Variants in SERINC5 observed in about 807,000 individuals in gnomAD.
The protein encoded by SERINC5 is chromosome 5 open reading frame 12.
In SERINC5, 41 loss-of-function variants were observed where a neutral mutation model predicts 63.1. The ratio of observed to expected loss-of-function variants is 0.65; its 90% CI spans 0.51 to 0.84. The LOEUF (loss-of-function observed/expected upper bound fraction) is 0.84. Ranked by LOEUF, SERINC5 falls within the 40% of genes least tolerant of loss-of-function variation. SERINC5 has a pLI of 0.00. For synonymous variants in SERINC5, 222 were observed against 215.2 expected (o/e 1.03, Z -0.28); for missense variants, 523 against 573.0 (o/e 0.91, Z 0.89).
intron 1 of SERINC5, among the ~76,000 whole-genome samples, chr5:80,223,243 A>AC (rs1016444550): frequency 6.6e-6 from 1 of 152,068 alleles, no homozygotes; most frequent in Non-Finnish European, 1.5e-5. Flanking sequence ...TGGTTCCAGG[A>AC]CCCCTCGCGT....
chr5:80,191,325 C>T (rs1033180072), intron 2 of SERINC5, among the ~76,000 whole-genome samples: 3 of 151,552 alleles, frequency 2.0e-5, no homozygotes, highest in East Asian at 1.9e-4. Context: ...TTTGTAATTT[C>T]GTCCTTTGAC....
At chr5:80,216,602 G>A (rs1489118423) in intron 1 of SERINC5, among the ~76,000 whole-genome samples, 4 of 152,208 alleles carry the variant, frequency 2.6e-5, no homozygotes, top group Non-Finnish European at 2.9e-5. Flanking sequence ...GGTGAGTTAA[G>A]TAAGTTCTAT....
Position 80,140,198 on chromosome 5 carries a change from G to A in SERINC5, c.*3465C>T. 2.7e-6 allele frequency: 2 copies of A among 729,292 alleles called. No individual in the cohort carries two copies. The highest frequency in any genetic ancestry group is 3.3e-6 in the Non-Finnish European group (2 of 597,902). The allele number at this position is 729,292 out of a possible 1,614,324, so 45.2% of individuals were successfully genotyped here. ...GCCAGGTGTGATGGGGCAAACCTGTGGTCTCAGCTACTTGGGAGGTGGTCC... is the reference window on the plus strand; with the variant it reads ...GCCAGGTGTGATGGGGCAAACCTGTAGTCTCAGCTACTTGGGAGGTGGTCC... On this transcript the variant is annotated 3_prime_UTR_variant, in exon 12 of 12. Coordinates refer to ENST00000507668, the MANE Select transcript of SERINC5 (RefSeq NM_001174072.3).
chr5:80,195,368 C>G (rs1749437657), intron 2 of SERINC5, among the ~76,000 whole-genome samples: 1 of 151,974 alleles, frequency 6.6e-6, no homozygotes, highest in South Asian at 2.1e-4. Flanking sequence ...CACTTGTACC[C>G]CCATAAATTT....
intron 8 of SERINC5, among the ~76,000 whole-genome samples, chr5:80,153,555 G>A (rs567220332): frequency 1.3e-5 from 2 of 152,152 alleles, no homozygotes; most frequent in East Asian, 3.9e-4. Context: ...TGTTTGGTGA[G>A]CACAGCACAA....
intron 11 of SERINC5, among the ~76,000 whole-genome samples, chr5:80,115,268 A>G (rs1744286681): frequency 6.6e-6 from 1 of 152,052 alleles, no homozygotes; most frequent in South Asian, 2.1e-4. Flanking sequence ...CACACGGTAT[A>G]GCTCAAATGC....
intron 11 of SERINC5, among the ~76,000 whole-genome samples, chr5:80,124,777 C>T (rs1467230105): frequency 1.3e-5 from 2 of 152,132 alleles, no homozygotes; most frequent in East Asian, 1.9e-4. Flanking sequence ...TTCCAAGTTC[C>T]TGGAGAAGGA....
chr5:80,169,237 G>T, intron 6 of SERINC5, 98 bp downstream of exon 6: 2 of 1,019,952 alleles, frequency 2.0e-6, no homozygotes, highest in Middle Eastern at 2.2e-4. Flanking sequence ...GAATACACTA[G>T]TTCCAAACAA....
chr5:80,176,940 G>A (rs143821212), intron 4 of SERINC5, among the ~76,000 whole-genome samples: 254 of 152,266 alleles, frequency 1.7e-3, no homozygotes, highest in African/African-American at 5.7e-3. Context: ...CTTCACATAC[G>A]GTAAGTTTAA....
intron 1 of SERINC5, among the ~76,000 whole-genome samples, chr5:80,220,097 T>C (rs2112535957): frequency 6.6e-6 from 1 of 152,150 alleles, no homozygotes; most frequent in Admixed American, 6.5e-5. Flanking sequence ...TAATCCCAGC[T>C]ACTCAGGAGA....
At chr5:80,202,447 C>T (rs1477615439) in intron 2 of SERINC5, among the ~76,000 whole-genome samples, 2 of 151,968 alleles carry the variant, frequency 1.3e-5, no homozygotes, top group Non-Finnish European at 2.9e-5. Flanking sequence ...ACAATGGAGA[C>T]TCAGGGGCTG....
intron 3 of SERINC5, 131 bp from the exon 4 acceptor site, chr5:80,177,528 G>GAAGT: frequency 1.4e-6 from 1 of 725,118 alleles, no homozygotes; most frequent in Non-Finnish European, 2.3e-6. Flanking sequence ...TAATCAAGGG[G>GAAGT]AAGTAACTAG....
chr5:80,235,803 T>C (rs1751662085), intron 1 of SERINC5, among the ~76,000 whole-genome samples: 1 of 152,188 alleles, frequency 6.6e-6, no homozygotes, highest in South Asian at 2.1e-4. Flanking sequence ...GAGCATTTTC[T>C]CACATTTGTT....
At chr5:80,123,416 C>T (rs4704614) in intron 11 of SERINC5, among the ~76,000 whole-genome samples, 2 of 152,096 alleles carry the variant, frequency 1.3e-5, no homozygotes, top group African/African-American at 4.8e-5. Flanking sequence ...GCCTCCATGC[C>T]TAGCTTCCTC....
At chr5:80,221,610 T>C (rs1295096108) in intron 1 of SERINC5, among the ~76,000 whole-genome samples, 13 of 152,176 alleles carry the variant, frequency 8.5e-5, no homozygotes, top group Non-Finnish European at 1.6e-4. Flanking sequence ...GGTTTAACAT[T>C]AAGCACGAAT....
rs1319416051 is a variant in SERINC5 at position 80,140,317 on chromosome 5, A to C, written c.*3346T>G. Reference sequence around the variant, plus strand: ...GTGAGCCCGTCTCCAAAAAAAAAAAAAAAAAAAAAAAAAAAGGCTTAGGGT... The same window carrying C: ...GTGAGCCCGTCTCCAAAAAAAAAAACAAAAAAAAAAAAAAAGGCTTAGGGT... On this transcript the variant is annotated 3_prime_UTR_variant, in exon 12 of 12. Coordinates refer to ENST00000507668, the MANE Select transcript of SERINC5 (RefSeq NM_001174072.3). 5.6e-6 allele frequency: 5 copies of C among 895,566 alleles called. No individual in the cohort carries two copies. Among genetic ancestry groups the C allele is most frequent in the Admixed American group, 6.3e-5 (1 of 15,958 alleles). The allele number at this position is 895,566 out of a possible 1,614,324, so 55.5% of individuals were successfully genotyped here. A position where few individuals can be genotyped will look rare whatever the true frequency, so the allele number is the denominator to read the frequency against.
Position 80,143,768 on chromosome 5 carries a change from C to A in SERINC5, c.1281G>T (p.Trp427Cys). 1.3e-6 allele frequency: 2 copies of A among 1,536,120 alleles called. No homozygotes were observed. Among genetic ancestry groups the A allele is most frequent in the Non-Finnish European group, 1.7e-6 (2 of 1,146,878 alleles). Residue 427 changes from tryptophan to cysteine, a missense_variant, in exon 12 of 12, where the codon TGG becomes TGT. Trp to Cys is a radical substitution (Grantham distance 215). Transcript: ENST00000507668. ...ANIESFFSGS[W>C]SIFWVKMASC... The stretch of plus-strand genomic sequence containing the variant: ...AGGCCATCTTGACCCAGAAGATGGA[C>A]CAGCTCCCGCTGAAGAAGCTCTCGA...
At chr5:80,138,138 T>C (rs1042040506), downstream of SERINC5, among the ~76,000 whole-genome samples, 5 of 151,404 alleles carry the variant, frequency 3.3e-5, no homozygotes, top group African/African-American at 1.2e-4. Context: ...ACTTAAGAGA[T>C]GCAGAGTGTA....
intron 1 of SERINC5, among the ~76,000 whole-genome samples, chr5:80,210,492 A>G (rs1750382831): frequency 1.3e-5 from 2 of 152,196 alleles, no homozygotes; most frequent in African/African-American, 4.8e-5. Flanking sequence ...GGAAATGCTC[A>G]CAGAAACATG....
Sources: gnomAD v4.1 joint callset for allele counts (sites outside exome capture counted in the v4.1 genomes callset) on GRCh38, gnomAD v4.1.1 for gene constraint, MANE v1.5 for transcripts, NCBI Gene and HGNC (gene_info 2026-07-23, HGNC 2026-07-21) for gene names.